Variants in ADAMTS19 observed in about 807,000 individuals in gnomAD.
ADAMTS19 encodes A disintegrin and metalloproteinase with thrombospondin motifs 19.
Under a neutral mutation model 153.3 loss-of-function variants are expected in ADAMTS19, and 93 were observed. That is an observed-to-expected ratio of 0.61 (90% CI 0.51 to 0.72). The LOEUF (loss-of-function observed/expected upper bound fraction) is 0.72, where lower values mean the gene tolerates loss of function less well. ADAMTS19 is among the 30% of genes least tolerant of loss of function. The pLI is 0.00. For missense variants in ADAMTS19, 1,482 were observed against 1,552.1 expected (o/e 0.95, Z 0.76); for synonymous variants, 600 against 556.6 (o/e 1.08, Z -1.10).
chr5:129,624,589 A>C (rs1751938726), intron 10 of ADAMTS19, among the ~76,000 whole-genome samples: 1 of 152,202 alleles, frequency 6.6e-6, no homozygotes, highest in African/African-American at 2.4e-5. Flanking sequence ...TCAATGGATC[A>C]GTTCATCCAA....
chr5:129,664,968 A>G, intron 15 of ADAMTS19, among the ~76,000 whole-genome samples: 1 of 152,124 alleles, frequency 6.6e-6, no homozygotes. Flanking sequence ...GCGCGACCTT[A>G]CACTTTCTGT....
chr5:129,478,755 GT>G (rs1028123556), intron 2 of ADAMTS19, among the ~76,000 whole-genome samples: 7 of 151,982 alleles, frequency 4.6e-5, no homozygotes, highest in Non-Finnish European at 1.0e-4. Flanking sequence ...TATTACCCAG[GT>G]TGGTATTGAA....
At position 129,684,167 on chromosome 5, in the gene ADAMTS19, T is replaced by C. The variant is rs1180590628; in HGVS notation, c.2712T>C (p.Thr904=). The change falls in exon 18 of 23, where the codon ACT becomes ACC. Residue 904 remains threonine, a synonymous_variant. Coordinates refer to ENST00000274487, the MANE Select transcript of ADAMTS19 (RefSeq NM_133638.6). ...ATTATGGTCTTCACTATGAATACACTATCCCATCAGACCCTCTTCCAGAAA... is the reference window on the plus strand; with the variant it reads ...ATTATGGTCTTCACTATGAATACACCATCCCATCAGACCCTCTTCCAGAAA... ...DQNYGLHYEY[T]IPSDPLPENQ... 28 of 1,614,164 alleles carry C rather than the reference T, an allele frequency of 1.7e-5. No individual in the cohort carries two copies. Among genetic ancestry groups the C allele is most frequent in the Non-Finnish European group, 2.4e-5 (28 of 1,180,020 alleles).
intron 7 of ADAMTS19, among the ~76,000 whole-genome samples, chr5:129,576,939 T>C (rs1217641805): frequency 6.6e-6 from 1 of 152,120 alleles, no homozygotes; most frequent in East Asian, 1.9e-4. Flanking sequence ...ACATCATCCA[T>C]AGGTTCCCTG....
intron 2 of ADAMTS19, among the ~76,000 whole-genome samples, chr5:129,497,221 A>G (rs1370636059): frequency 6.6e-6 from 1 of 152,024 alleles, no homozygotes; most frequent in African/African-American, 2.4e-5. Context: ...TTTTGAAAAA[A>G]AAATCAACCT....
At chr5:129,607,750 A>G (rs11739275) in intron 8 of ADAMTS19, among the ~76,000 whole-genome samples, 13,032 of 152,026 alleles carry the variant, frequency 0.086, 633 homozygotes, top group Middle Eastern at 0.16. Flanking sequence ...CAACTATTTC[A>G]TCCAAATCCT....
At chr5:129,651,072 C>T (rs30672) in intron 13 of ADAMTS19, among the ~76,000 whole-genome samples, 18,094 of 152,152 alleles carry the variant, frequency 0.12, 1,314 homozygotes, top group East Asian at 0.3. Flanking sequence ...AACACCTACC[C>T]GGCTTTCCTA....
intron 18 of ADAMTS19, among the ~76,000 whole-genome samples, chr5:129,690,071 C>T (rs1755262702): frequency 6.6e-6 from 1 of 152,198 alleles, no homozygotes; most frequent in Admixed American, 6.5e-5. Flanking sequence ...GCTTGAATTA[C>T]ATGCTTATAT....
intron 11 of ADAMTS19, among the ~76,000 whole-genome samples, chr5:129,645,432 C>T (rs1753017672): frequency 6.6e-6 from 1 of 152,138 alleles, no homozygotes; most frequent in African/African-American, 2.4e-5. Context: ...ATATAGAAGA[C>T]ACAAAAGCAG....
intron 21 of ADAMTS19, among the ~76,000 whole-genome samples, chr5:129,731,577 C>T (rs779112379): frequency 2.0e-5 from 3 of 151,680 alleles, no homozygotes; most frequent in Non-Finnish European, 4.4e-5. Context: ...AGGCTGAGGA[C>T]TAAAAACAAA....
intron 2 of ADAMTS19, among the ~76,000 whole-genome samples, chr5:129,466,214 G>C (rs1053671264): frequency 6.6e-6 from 1 of 152,012 alleles, no homozygotes; most frequent in African/African-American, 2.4e-5. Flanking sequence ...TGAGTCAAAG[G>C]TCCCATCTGT....
chr5:129,580,386 C>T (rs1266481062), intron 7 of ADAMTS19, among the ~76,000 whole-genome samples: 2 of 152,040 alleles, frequency 1.3e-5, no homozygotes, highest in Non-Finnish European at 2.9e-5. Context: ...TGCAAACAGA[C>T]AATTTGACTT....
At chr5:129,717,999 G>A (rs1393365757) in intron 21 of ADAMTS19, among the ~76,000 whole-genome samples, 1 of 152,126 alleles carries the variant, frequency 6.6e-6, no homozygotes, top group African/African-American at 2.4e-5. Context: ...ATGTTTCACT[G>A]GAATGACAGT....
intron 7 of ADAMTS19, among the ~76,000 whole-genome samples, chr5:129,596,306 T>G (rs903183132): frequency 7.9e-5 from 12 of 152,110 alleles, no homozygotes. Context: ...CTTATATTAT[T>G]CCTTTTGGGA....
intron 7 of ADAMTS19, among the ~76,000 whole-genome samples, chr5:129,556,732 A>T (rs1202781060): frequency 6.6e-6 from 1 of 152,176 alleles, no homozygotes; most frequent in Non-Finnish European, 1.5e-5. Flanking sequence ...ACAATATGAA[A>T]AGAATTCAAC....
At chr5:129,625,804 TCTGATGGTAGTTTCTTTTG>T (rs1478146403) in intron 10 of ADAMTS19, among the ~76,000 whole-genome samples, 1 of 152,184 alleles carries the variant, frequency 6.6e-6, no homozygotes, top group Admixed American at 6.5e-5. Flanking sequence ...GCCTGTTCAC[TCTGATGGTAGTTTCTTTTG>T]CTGTGCAGAA....
intron 2 of ADAMTS19, among the ~76,000 whole-genome samples, chr5:129,469,973 A>G (rs1750008949): frequency 6.6e-6 from 1 of 152,216 alleles, no homozygotes; most frequent in Admixed American, 6.5e-5. Flanking sequence ...AAAGGAAGCT[A>G]CATAGTGAAT....
intron 6 of ADAMTS19, among the ~76,000 whole-genome samples, chr5:129,548,603 T>A (rs570652614): frequency 6.6e-6 from 1 of 151,630 alleles, no homozygotes; most frequent in Non-Finnish European, 1.5e-5. Flanking sequence ...TCAAACATTG[T>A]GGAAGTCAGT....
chr5:129,731,893 CTT>C (rs1345874925), intron 21 of ADAMTS19, among the ~76,000 whole-genome samples: 25 of 147,440 alleles, frequency 1.7e-4, no homozygotes, highest in African/African-American at 6.4e-4. Context: ...GCAAAATATT[CTT>C]TATCTTTTTA....
Sources: allele counts gnomAD v4.1 joint callset (sites outside exome capture counted in the v4.1 genomes callset), GRCh38; gene constraint gnomAD v4.1.1; transcripts MANE v1.5; gene names NCBI Gene and HGNC (gene_info 2026-07-23, HGNC 2026-07-21).